Variants in EPHA5 observed in about 807,000 individuals in gnomAD.
EPHA5 encodes EPH receptor A5.
A neutral mutation model predicts 105.0 loss-of-function variants in EPHA5; 60 were observed. The ratio of observed to expected loss-of-function variants is 0.57; its 90% CI spans 0.46 to 0.71. The LOEUF (loss-of-function observed/expected upper bound fraction) is 0.71, where lower values mean the gene tolerates loss of function less well. Ranked by LOEUF, EPHA5 falls within the 30% of genes least tolerant of loss-of-function variation. EPHA5 has a pLI of 0.00. For missense variants in EPHA5, 1,218 were observed against 1,274.7 expected (o/e 0.96, Z 0.68); for synonymous variants, 513 against 449.1 (o/e 1.14, Z -1.80).
intron 5 of EPHA5, among the ~76,000 whole-genome samples, chr4:65,488,112 C>T (rs181235771): frequency 6.6e-6 from 1 of 152,188 alleles, no homozygotes; most frequent in East Asian, 1.9e-4. Context: ...TACAAGACAC[C>T]TATGTCTTGA....
At chr4:65,398,053 AG>A (rs930683696) in intron 8 of EPHA5, among the ~76,000 whole-genome samples, 1 of 152,060 alleles carries the variant, frequency 6.6e-6, no homozygotes, top group Non-Finnish European at 1.5e-5. Flanking sequence ...TTGGCAGGGG[AG>A]GAGCCCCACC....
At chr4:65,439,795 T>C (rs1725838839) in intron 5 of EPHA5, among the ~76,000 whole-genome samples, 1 of 152,166 alleles carries the variant, frequency 6.6e-6, no homozygotes, top group African/African-American at 2.4e-5. Context: ...TTTTCTTTCG[T>C]ATTTGCATTT....
At chr4:65,383,291 G>A (rs1427599711) in intron 8 of EPHA5, among the ~76,000 whole-genome samples, 2 of 150,476 alleles carry the variant, frequency 1.3e-5, no homozygotes, top group African/African-American at 4.9e-5. Flanking sequence ...ATTAAAGTCA[G>A]ATGTGGTTTC....
intron 14 of EPHA5, among the ~76,000 whole-genome samples, chr4:65,338,225 A>G (rs1239576167): frequency 6.6e-6 from 1 of 152,118 alleles, no homozygotes; most frequent in Non-Finnish European, 1.5e-5. Context: ...ATAGATCGAT[A>G]GAAGTTTATT....
intron 3 of EPHA5, among the ~76,000 whole-genome samples, chr4:65,573,107 G>A (rs972804484): frequency 6.6e-6 from 1 of 150,788 alleles, no homozygotes; most frequent in African/African-American, 2.4e-5. Context: ...GTTTTCAAAA[G>A]CTTTGAAAAC....
chr4:65,578,927 A>C (rs1741336083), intron 3 of EPHA5, among the ~76,000 whole-genome samples: 1 of 152,248 alleles, frequency 6.6e-6, no homozygotes, highest in East Asian at 1.9e-4. Context: ...CTATTAAAAA[A>C]TGTTAAGACT....
At chr4:65,465,551 G>GA (rs1728627444) in intron 5 of EPHA5, among the ~76,000 whole-genome samples, 1 of 71,070 alleles carries the variant, frequency 1.4e-5, no homozygotes. Context: ...GGAAGGAAAG[G>GA]AAGGAAAGGA....
chr4:65,366,044 T>A lies in EPHA5; in HGVS notation c.1875A>T (p.Gly625=). Reference sequence around the variant, plus strand: ...TATGTGGATCAATGTAAGTTCTTACTCCTGGCAGTTTAACTGTAAATATAA... The same window carrying A: ...TATGTGGATCAATGTAAGTTCTTACACCTGGCAGTTTAACTGTAAATATAA... ...HFHNGHIKLP[G]VRTYIDPHTY... The change falls in exon 10 of 17, where the codon GGA becomes GGT. Residue 625 remains glycine, a synonymous_variant. Transcript: ENST00000613740. 1 of 1,597,976 alleles carries A rather than the reference T, an allele frequency of 6.3e-7. No individual in the cohort carries two copies. Among genetic ancestry groups the A allele is most frequent in the Non-Finnish European group, 8.6e-7 (1 of 1,168,456 alleles).
intron 1 of EPHA5, among the ~76,000 whole-genome samples, chr4:65,654,284 G>C (rs1025864947): frequency 3.3e-5 from 5 of 150,392 alleles, no homozygotes; most frequent in South Asian, 2.1e-4. Context: ...CTGTTGGATA[G>C]TTTTTTCTAT....
intron 5 of EPHA5, among the ~76,000 whole-genome samples, chr4:65,459,078 G>C (rs1393436447): frequency 6.6e-6 from 1 of 152,006 alleles, no homozygotes; most frequent in Non-Finnish European, 1.5e-5. Flanking sequence ...AAATGCATAA[G>C]CAGAAATCTG....
chr4:65,526,765 G>A (rs75143823), intron 3 of EPHA5, among the ~76,000 whole-genome samples: 61 of 151,866 alleles, frequency 4.0e-4, no homozygotes, highest in Middle Eastern at 3.4e-3. Flanking sequence ...ACAACTGCAT[G>A]GAATGGCTAC....
chr4:65,642,704 A>G (rs1747768010), intron 2 of EPHA5, among the ~76,000 whole-genome samples: 1 of 152,002 alleles, frequency 6.6e-6, no homozygotes, highest in Non-Finnish European at 1.5e-5. Context: ...TTTGAAAATG[A>G]AAATTTTGCC....
At chr4:65,442,978 C>T (rs558323548) in intron 5 of EPHA5, among the ~76,000 whole-genome samples, 4 of 152,220 alleles carry the variant, frequency 2.6e-5, no homozygotes, top group African/African-American at 9.6e-5. Context: ...CAGTGAACTT[C>T]TGAAGTTAGA....
rs1465159239 is a variant in EPHA5, at chr4:65,322,019, T to C, written c.*2095A>G. 11 of 226,058 alleles carry C rather than the reference T, an allele frequency of 4.9e-5. No individual in the cohort carries two copies. The East Asian group carries it at 7.0e-4, about 14-fold the overall frequency. 14.0% of individuals were successfully genotyped at this position (226,058 alleles called of 1,614,324 possible). On this transcript the variant is annotated 3_prime_UTR_variant, in exon 17 of 17. Coordinates refer to ENST00000613740, the MANE Select transcript of EPHA5 (RefSeq NM_001281766.3). ...ATTTGTTTCATTAATTTCTGTTTATTGAAATGAACAAATGCATCTTTAATA... is the reference window on the plus strand; with the variant it reads ...ATTTGTTTCATTAATTTCTGTTTATCGAAATGAACAAATGCATCTTTAATA...
intron 16 of EPHA5, among the ~76,000 whole-genome samples, chr4:65,328,308 T>G (rs931212644): frequency 2.6e-5 from 4 of 151,284 alleles, no homozygotes; most frequent in Admixed American, 6.6e-5. Context: ...TACATTTCAG[T>G]ATTTTTTCAA....
intron 5 of EPHA5, among the ~76,000 whole-genome samples, chr4:65,423,565 G>A (rs1246218237): frequency 1.3e-5 from 2 of 151,552 alleles, no homozygotes; most frequent in South Asian, 2.1e-4. Context: ...GTTTATAGTC[G>A]AATACTTTAT....
In EPHA5 at chr4:65,570,781, C is replaced by T. The variant is rs369298500; in HGVS notation, c.910+30860G>A. The stretch of plus-strand genomic sequence containing the variant: ...CATTGTCATGATTTTTACTGTCAGT[C>T]TGTGACTATACAATAGTTTCTCCAT... On this transcript the variant is annotated intron_variant, in intron 3 of 16. Coordinates refer to ENST00000613740, the MANE Select transcript of EPHA5 (RefSeq NM_001281766.3). 2.8e-3 allele frequency among the ~76,000 whole-genome samples: 426 copies of T among 152,018 alleles called. 1 individual carries two copies. The highest frequency in any genetic ancestry group is 9.9e-3 in the African/African-American group (411 of 41,524).
chr4:65,580,765 A>T (rs1250546583), intron 3 of EPHA5, among the ~76,000 whole-genome samples: 6 of 147,630 alleles, frequency 4.1e-5, no homozygotes, highest in South Asian at 2.2e-4. Flanking sequence ...AGATGGCACC[A>T]AAGGAATCTA....
chr4:65,625,791 G>A (rs796855813), intron 2 of EPHA5, among the ~76,000 whole-genome samples: 51 of 152,284 alleles, frequency 3.3e-4, no homozygotes, highest in African/African-American at 1.2e-3. Flanking sequence ...GTAAGCAGGT[G>A]CTTTTGCAGT....
Sources: allele counts gnomAD v4.1 joint callset (sites outside exome capture counted in the v4.1 genomes callset), GRCh38; gene constraint gnomAD v4.1.1; transcripts MANE v1.5; gene names NCBI Gene and HGNC (gene_info 2026-07-23, HGNC 2026-07-21).